The following ATP9A variants were observed in gnomAD, a reference collection of about 807,000 sequenced individuals.
The protein encoded by ATP9A is probable phospholipid-transporting ATPase IIA.
In ATP9A, 52 loss-of-function variants were observed where a neutral mutation model predicts 144.1. The observed-to-expected ratio is 0.36, with a 90% CI of 0.29 to 0.45. The LOEUF (loss-of-function observed/expected upper bound fraction) is 0.45. ATP9A is among the 20% of genes least tolerant of loss of function. The probability of loss-of-function intolerance (pLI) is 1.00; values close to 1 mark genes in which losing one functional copy is unlikely to be tolerated. For synonymous variants in ATP9A, 582 were observed against 557.4 expected (o/e 1.04, Z -0.62); for missense variants, 947 against 1,392.7 (o/e 0.68, Z 5.09).
At chr20:51,686,777 A>G (rs1296656610) in intron 9 of ATP9A, among the ~76,000 whole-genome samples, 6 of 152,284 alleles carry the variant, frequency 3.9e-5, no homozygotes, top group African/African-American at 1.4e-4. Context: ...TTTACTAAAA[A>G]TACAAAAATT....
intron 15 of ATP9A, among the ~76,000 whole-genome samples, chr20:51,630,522 G>A (rs146187158): frequency 6.6e-6 from 1 of 152,192 alleles, no homozygotes; most frequent in African/African-American, 2.4e-5. Context: ...AGCCAACATG[G>A]TGAGACCCTG....
intron 1 of ATP9A, among the ~76,000 whole-genome samples, chr20:51,758,796 G>A (rs1349836349): frequency 1.3e-5 from 2 of 152,164 alleles, no homozygotes; most frequent in Non-Finnish European, 2.9e-5. Flanking sequence ...ATGGTGGCCT[G>A]CACCTGTAAT....
chr20:51,697,275 C>T, intron 5 of ATP9A, 149 bp downstream of exon 5: 1 of 645,020 alleles, frequency 1.6e-6, no homozygotes, highest in Non-Finnish European at 2.7e-6. Flanking sequence ...GTCTGTCTGT[C>T]TGTCTCACAG....
intron 3 of ATP9A, among the ~76,000 whole-genome samples, chr20:51,725,411 C>A (rs1054902145): frequency 3.3e-5 from 5 of 152,126 alleles, no homozygotes; most frequent in African/African-American, 1.2e-4. Context: ...CATGAGCCAC[C>A]GTGCCTGGCC....
intron 1 of ATP9A, among the ~76,000 whole-genome samples, chr20:51,750,124 C>A (rs560149137): frequency 6.6e-6 from 1 of 152,238 alleles, no homozygotes; most frequent in South Asian, 2.1e-4. Flanking sequence ...CACTTGCACT[C>A]CAGCCTGGGT....
At chr20:51,638,074 TATATATATATATATA>T (rs1568797019) in intron 15 of ATP9A, among the ~76,000 whole-genome samples, 3 of 10,170 alleles carry the variant, frequency 2.9e-4, no homozygotes, top group African/African-American at 9.7e-4. Flanking sequence ...CATCATTTTA[TATATATATATATATA>T]TATATATATA....
intron 19 of ATP9A, among the ~76,000 whole-genome samples, chr20:51,619,576 A>AGG (rs61359027): frequency 1.0e-3 from 90 of 86,578 alleles, no homozygotes; most frequent in South Asian, 2.8e-3. Flanking sequence ...AAAAAAAAAA[A>AGG]GGGGGGGGGG....
rs550247596 is a variant in ATP9A at position 51,731,470 on chromosome 20, C to A, written c.69-1492G>T. Among the ~76,000 whole-genome samples the A allele has an allele frequency of 3.7e-4, 56 of 152,102 alleles. 1 individual carries two copies. In the South Asian group the frequency reaches 0.011, roughly 30 times the overall value. ...AGGTGGCTCACGCCTGTAATCCCAG[C>A]ACTTTGGGAGGCCGAGGCAGGCGGA... is the stretch of plus-strand genomic sequence containing the variant. On this transcript the variant is annotated intron_variant, in intron 1 of 27. Transcript: ENST00000338821.
intron 13 of ATP9A, among the ~76,000 whole-genome samples, chr20:51,661,931 CATT>C (rs2077412534): frequency 6.6e-6 from 1 of 152,206 alleles, no homozygotes; most frequent in Admixed American, 6.5e-5. Flanking sequence ...ATATCATCAT[CATT>C]CTCAACTTGG....
chr20:51,675,080 G>A (rs1373901043), intron 10 of ATP9A, among the ~76,000 whole-genome samples: 2 of 152,060 alleles, frequency 1.3e-5, no homozygotes, highest in Non-Finnish European at 2.9e-5. Flanking sequence ...CCAAAGTGCT[G>A]GGATTACAGG....
At chr20:51,645,536 CAAACA>C (rs984656406) in intron 14 of ATP9A, among the ~76,000 whole-genome samples, 5 of 114,418 alleles carry the variant, frequency 4.4e-5, no homozygotes, top group East Asian at 1.2e-3. Context: ...CAAAAACAAA[CAAACA>C]AAAAAAAAAC....
At chr20:51,741,575 CT>C (rs1366984827) in intron 1 of ATP9A, among the ~76,000 whole-genome samples, 1 of 151,970 alleles carries the variant, frequency 6.6e-6, no homozygotes, top group Non-Finnish European at 1.5e-5. Flanking sequence ...AAAACTCCGT[CT>C]CAAAAAATAA....
chr20:51,726,313 CAAAAAAAA>C (rs11476208), intron 2 of ATP9A, among the ~76,000 whole-genome samples: 11 of 70,760 alleles, frequency 1.6e-4, no homozygotes, highest in African/African-American at 2.7e-4. Flanking sequence ...AACTCTGTCT[CAAAAAAAA>C]AAAAAAAAAA....
chr20:51,647,089 A>T (rs1214361778), intron 14 of ATP9A, among the ~76,000 whole-genome samples: 1 of 152,136 alleles, frequency 6.6e-6, no homozygotes, highest in Non-Finnish European at 1.5e-5. Flanking sequence ...ACTGCACTCC[A>T]GCTTGGGCAA....
chr20:51,686,220 G>A (rs1299319617), intron 9 of ATP9A, among the ~76,000 whole-genome samples: 9 of 151,810 alleles, frequency 5.9e-5, no homozygotes, highest in East Asian at 3.9e-4. Flanking sequence ...CTGTCGTGGC[G>A]TGGGGGAGTG....
At chr20:51,728,224 G>C (rs6067911) in intron 2 of ATP9A, among the ~76,000 whole-genome samples, 1 of 152,320 alleles carries the variant, frequency 6.6e-6, no homozygotes, top group African/African-American at 2.4e-5. Context: ...GTGTGGCCCA[G>C]TCTGCATCAG....
intron 1 of ATP9A, among the ~76,000 whole-genome samples, chr20:51,743,650 G>A (rs1390870505): frequency 6.8e-6 from 1 of 146,738 alleles, no homozygotes; most frequent in African/African-American, 2.5e-5. Context: ...TGATTCGCCC[G>A]CCTCAGCCTC....
chr20:51,732,587 A>C (rs548386001), intron 1 of ATP9A: 1 of 150,884 alleles, frequency 6.6e-6, no homozygotes, highest in Admixed American at 6.6e-5. Context: ...ATTCCAGTAA[A>C]CCAGCATTCA....
intron 14 of ATP9A, among the ~76,000 whole-genome samples, chr20:51,648,267 G>C (rs73910801): frequency 0.019 from 2,944 of 152,238 alleles, 97 homozygotes; most frequent in African/African-American, 0.068. Context: ...GAAGGACCGC[G>C]AGATTGCCTG....
Sources: allele counts gnomAD v4.1 joint callset (sites outside exome capture counted in the v4.1 genomes callset), GRCh38; gene constraint gnomAD v4.1.1; transcripts MANE v1.5; gene names NCBI Gene and HGNC (gene_info 2026-07-23, HGNC 2026-07-21).